The following ACTR1A variants were observed in gnomAD, a reference collection of about 807,000 sequenced individuals.
ACTR1A encodes the protein actin related protein 1A, also known as alpha-centractin.
Under a neutral mutation model 50.7 loss-of-function variants are expected in ACTR1A, and 10 were observed. The observed-to-expected ratio is 0.20, with a 90% CI of 0.12 to 0.33. ACTR1A has a LOEUF of 0.33. Ranked by LOEUF, ACTR1A falls within the 10% of genes least tolerant of loss-of-function variation. ACTR1A has a pLI of 1.00. For missense variants in ACTR1A, 253 were observed against 491.7 expected, an observed-to-expected ratio of 0.51 and a Z score of 4.59; for synonymous variants, 177 against 184.2, an observed-to-expected ratio of 0.96 and a Z score of 0.32.
Position 102,489,130 on chromosome 10 carries a change from C to A in ACTR1A, c.122G>T (p.Arg41Leu). 6.3e-7 allele frequency: 1 copy of A among 1,579,468 alleles called. No individual in the cohort carries two copies. Among genetic ancestry groups the A allele is most frequent in the Admixed American group, 1.8e-5 (1 of 55,564 alleles). Residue 41 changes from arginine to leucine, a missense_variant, in exon 3 of 11, where the codon CGA (arginine) becomes CTA (leucine). This residue lies in a region of ACTR1A where 96 missense variants were observed against 238.7 expected (regional missense o/e 0.40). Coordinates refer to ENST00000369905, the MANE Select transcript of ACTR1A (RefSeq NM_005736.4). ...PKYCFPNYVGRPKHVRVMAGA... is the reference protein window; with the variant it reads ...PKYCFPNYVGLPKHVRVMAGA... ...TGCCATGACACGAACGTGCTTGGGT[C>A]GGCCCACACTAGAAAAGACAGTGAG...
rs369078492 is a variant in ACTR1A, at chr10:102,485,657, G to A, written c.392C>T (p.Thr131Ile). 1.2e-6 allele frequency: 2 copies of A among 1,613,976 alleles called. No homozygotes were observed. Among genetic ancestry groups the A allele is most frequent in the African/African-American group, 2.7e-5 (2 of 74,944 alleles). Residue 131 changes from threonine to isoleucine, a missense_variant, in exon 5 of 11, where the codon ACC becomes ATC. This residue lies in a region of ACTR1A where 96 missense variants were observed against 238.7 expected (regional missense o/e 0.40). Coordinates refer to ENST00000369905, the MANE Select transcript of ACTR1A (RefSeq NM_005736.4). ...RERAAEVFFE[T>I]FNVPALFISM... Reference sequence around the variant, plus strand: ...GATGAAAAGAGCGGGCACATTGAAGGTCTCGAAGAAAACTTCGGCAGCTCG... The same window carrying A: ...GATGAAAAGAGCGGGCACATTGAAGATCTCGAAGAAAACTTCGGCAGCTCG...
chr10:102,498,781 A>C (rs767051405), intron 1 of ACTR1A, among the ~76,000 whole-genome samples: 11 of 152,132 alleles, frequency 7.2e-5, no homozygotes, highest in Non-Finnish European at 1.0e-4. Context: ...CCTGGATCTT[A>C]GGAAAAATTT....
At chr10:102,493,076 G>C (rs548216152) in intron 1 of ACTR1A, among the ~76,000 whole-genome samples, 1 of 150,976 alleles carries the variant, frequency 6.6e-6, no homozygotes, top group East Asian at 1.9e-4. Flanking sequence ...AGGGCAGCCA[G>C]TTCTCTAAGG....
intron 1 of ACTR1A, among the ~76,000 whole-genome samples, chr10:102,499,256 A>C (rs1162403563): frequency 6.6e-6 from 1 of 152,238 alleles, no homozygotes; most frequent in Admixed American, 6.5e-5. Context: ...CAGGTATTTC[A>C]AATAATGTTT....
intron 4 of ACTR1A, among the ~76,000 whole-genome samples, chr10:102,487,339 G>A (rs1256273135): frequency 1.3e-5 from 2 of 152,016 alleles, no homozygotes; most frequent in African/African-American, 4.8e-5. Context: ...ATTTGAATCC[G>A]GGAGGCAGAG....
chr10:102,483,170 G>T, intron 6 of ACTR1A, 67 bp from the exon 7 acceptor site: 1 of 1,190,450 alleles, frequency 8.4e-7, no homozygotes, highest in Non-Finnish European at 1.3e-6. Flanking sequence ...AAGGCCCAGG[G>T]GAGGAATGTG....
chr10:102,481,966 C>T (rs1015739709), intron 8 of ACTR1A, 35 bp downstream of exon 8: 12 of 1,613,886 alleles, frequency 7.4e-6, no homozygotes, highest in Non-Finnish European at 1.0e-5. Flanking sequence ...GAGCTGAACA[C>T]TTCCAGGGGA....
In ACTR1A at chr10:102,479,693, G is replaced by C. The variant is rs1265623613; in HGVS notation, c.*1170C>G. ...GGGGCCTTCCCACCTCTACAACCTA[G>C]TCCCCTGGTCAGCTACAGTGGCAAA... On this transcript the variant is annotated 3_prime_UTR_variant, in exon 11 of 11. Coordinates refer to ENST00000369905, the MANE Select transcript of ACTR1A (RefSeq NM_005736.4). The surrounding 1 kb of genome is among the most constrained non-coding windows in gnomAD (Gnocchi z 4.0). The C allele has an allele frequency of 1.6e-6, 2 of 1,288,840 alleles. No individual in the cohort carries two copies. Among genetic ancestry groups the C allele is most frequent in the South Asian group, 1.2e-5 (1 of 80,992 alleles). 79.8% of individuals were successfully genotyped at this position (1,288,840 alleles called of 1,614,324 possible).
intron 1 of ACTR1A, among the ~76,000 whole-genome samples, chr10:102,491,648 C>A (rs924275509): frequency 6.6e-6 from 1 of 152,210 alleles, no homozygotes; most frequent in Admixed American, 6.5e-5. Flanking sequence ...AATCTGAGTT[C>A]TCCCAGCATC....
chr10:102,486,561 G>A (rs11598186), intron 4 of ACTR1A, among the ~76,000 whole-genome samples: 34,971 of 151,890 alleles, frequency 0.23, 4,472 homozygotes, highest in South Asian at 0.34. Flanking sequence ...TGGTGGTGGT[G>A]CATGCCTGTA....
At chr10:102,493,269 G>C (rs1035372586) in intron 1 of ACTR1A, among the ~76,000 whole-genome samples, 1 of 152,146 alleles carries the variant, frequency 6.6e-6, no homozygotes, top group African/African-American at 2.4e-5. Context: ...GGACAGGCAA[G>C]GGGGGAACTC....
chr10:102,490,381 TA>T (rs2062186399), intron 2 of ACTR1A, among the ~76,000 whole-genome samples, 167 bp downstream of exon 2: 1 of 152,038 alleles, frequency 6.6e-6, no homozygotes, highest in African/African-American at 2.4e-5. Context: ...TAGCATCAGA[TA>T]AAATTGGATT....
rs1298188959 is a variant in ACTR1A, at chr10:102,479,746, C to G, written c.*1117G>C. On this transcript the variant is annotated 3_prime_UTR_variant, in exon 11 of 11. Coordinates refer to ENST00000369905, the MANE Select transcript of ACTR1A (RefSeq NM_005736.4). This position sits in a 1 kb window ranked among gnomAD's most constrained non-coding sequence, Gnocchi z 4.0. ...GCAACTTGGTAAATTGCAGCTTTCTCCAGTCTTAAGGGCACTGGCTCTCCA... is the reference window on the plus strand; with the variant it reads ...GCAACTTGGTAAATTGCAGCTTTCTGCAGTCTTAAGGGCACTGGCTCTCCA... 1.6e-6 allele frequency: 2 copies of G among 1,225,572 alleles called. No homozygotes were observed. Among genetic ancestry groups the G allele is most frequent in the Admixed American group, 2.4e-5 (1 of 42,472 alleles). The allele number at this position is 1,225,572 out of a possible 1,614,324, so 75.9% of individuals were successfully genotyped here. A position where few individuals can be genotyped will look rare whatever the true frequency, so the allele number is the denominator to read the frequency against.
At chr10:102,484,483 CCT>C in intron 5 of ACTR1A, 107 bp from the exon 6 acceptor site, 1 of 986,740 alleles carries the variant, frequency 1.0e-6, no homozygotes, top group Non-Finnish European at 1.5e-6. Flanking sequence ...CTTGGGCCTG[CCT>C]CTCTCCAGGG....
In ACTR1A at chr10:102,483,025, C is replaced by T; in HGVS notation, c.736G>A (p.Gly246Ser). The change falls in exon 7 of 11, where the codon GGC (glycine) becomes AGC (serine). Residue 246 changes from glycine (G) to serine (S), a missense_variant. Around this residue, in one of 4 missense-constraint regions of ACTR1A, gnomAD observed 116 missense variants for 155.9 expected, o/e 0.74. Transcript: ENST00000369905. The stretch of plus-strand genomic sequence containing the variant: ...AGGCCACCTACCTCAATGGTGCTGC[C>T]ATCAGGCAGGTAGTACTGAGCTTTC... The part of the protein sequence containing the change: ...TEKAQYYLPD[G>S]STIEIGPSRF... 1.2e-6 allele frequency: 2 copies of T among 1,614,056 alleles called. No individual in the cohort carries two copies. Among genetic ancestry groups the T allele is most frequent in the Admixed American group, 1.7e-5 (1 of 60,022 alleles).
intron 1 of ACTR1A, among the ~76,000 whole-genome samples, chr10:102,492,227 T>C (rs2062198346): frequency 6.6e-6 from 1 of 151,752 alleles, no homozygotes; most frequent in Non-Finnish European, 1.5e-5. Flanking sequence ...CGCACCACCA[T>C]GCCTGGCTAA....
At position 102,489,076 on chromosome 10, in the gene ACTR1A, C is replaced by A; in HGVS notation, c.176G>T (p.Gly59Val). 1 of 1,583,290 alleles carries A rather than the reference C, an allele frequency of 6.3e-7. No homozygotes were observed. The highest frequency in any genetic ancestry group is 1.4e-5 in the African/African-American group (1 of 73,192). ...CCTGGGAATTACCTCAGCTTTGGGG[C>A]CAATGAAGATGTCGCCTTCAAGGGC... ...AGALEGDIFI[G>V]PKAEEHRGLL... Residue 59 changes from glycine (G) to valine (V), a missense_variant, in exon 3 of 11, where the codon GGC becomes GTC. This residue lies in a region of ACTR1A where 96 missense variants were observed against 238.7 expected (regional missense o/e 0.40). Coordinates refer to ENST00000369905, the MANE Select transcript of ACTR1A (RefSeq NM_005736.4).
chr10:102,485,548 C>G (rs957550596), intron 5 of ACTR1A, 61 bp downstream of exon 5: 231 of 1,604,542 alleles, frequency 1.4e-4, no homozygotes, highest in Non-Finnish European at 1.8e-4. Context: ...GGAGAGCCAG[C>G]CTCAGCTGTG....
chr10:102,490,472 G>T, intron 2 of ACTR1A, 77 bp downstream of exon 2: 1 of 1,215,604 alleles, frequency 8.2e-7, no homozygotes, highest in Non-Finnish European at 1.2e-6. Flanking sequence ...TCCAAACTCG[G>T]CTCCTGTCCC....
Sources: gnomAD v4.1 joint callset for allele counts (sites outside exome capture counted in the v4.1 genomes callset) on GRCh38, gnomAD v4.1.1 for gene constraint, gnomAD v4.1.1 regional missense constraint, Gnocchi (gnomAD v3.1) non-coding constraint, MANE v1.5 for transcripts, NCBI Gene and HGNC (gene_info 2026-07-23, HGNC 2026-07-21) for gene names.